CHEK2: variants seen among roughly 807,000 people sequenced by gnomAD.
CHEK2 encodes checkpoint kinase 2, also known as serine/threonine-protein kinase Chk2.
Under a neutral mutation model 69.1 loss-of-function variants are expected in CHEK2, and 71 were observed. The observed-to-expected ratio is 1.03, with a 90% CI of 0.85 to 1.25. The LOEUF (loss-of-function observed/expected upper bound fraction) is 1.25, where lower values mean the gene tolerates loss of function less well. Ranked by LOEUF, CHEK2 falls within the 50% of genes most tolerant of loss-of-function variation. The pLI is 0.00. For synonymous variants in CHEK2, 189 were observed against 226.9 expected (o/e 0.83, Z 1.50); for missense variants, 664 against 649.6 (o/e 1.02, Z -0.24).
At chr22:28,736,055 T>G (rs901371235) in intron 1 of CHEK2, among the ~76,000 whole-genome samples, 8 of 152,134 alleles carry the variant, frequency 5.3e-5, no homozygotes, top group Non-Finnish European at 1.0e-4. Flanking sequence ...ATCTTTGTGT[T>G]AGATAATTTT....
intron 7 of CHEK2, among the ~76,000 whole-genome samples, chr22:28,704,166 A>C: frequency 6.7e-6 from 1 of 149,300 alleles, no homozygotes; most frequent in African/African-American, 2.5e-5. Context: ...ACACACACCT[A>C]TGGCTGATAG....
chr22:28,729,869 G>A (rs2054141387), intron 2 of CHEK2, among the ~76,000 whole-genome samples: 1 of 151,968 alleles, frequency 6.6e-6, no homozygotes, highest in African/African-American at 2.4e-5. Context: ...CCTGCCATAG[G>A]CTCCCAAAGC....
At chr22:28,719,948 C>T (rs958646228) in intron 4 of CHEK2, among the ~76,000 whole-genome samples, 7 of 152,178 alleles carry the variant, frequency 4.6e-5, no homozygotes, top group African/African-American at 1.4e-4. Flanking sequence ...TATCATCTCT[C>T]AGCCATTTAT....
At chr22:28,692,476 T>C (rs1206579542) in intron 13 of CHEK2, among the ~76,000 whole-genome samples, 2 of 151,642 alleles carry the variant, frequency 1.3e-5, no homozygotes, top group East Asian at 3.9e-4. Context: ...TCTTTTTTTG[T>C]TTGTTTGTTT....
intron 8 of CHEK2, 38 bp downstream of exon 8, chr22:28,703,467 G>T: frequency 2.8e-6 from 3 of 1,084,600 alleles, no homozygotes; most frequent in South Asian, 2.7e-5. Flanking sequence ...TAAAGCATTT[G>T]AATGGAAACA....
In CHEK2 at chr22:28,708,365, G is replaced by GTGTGTGTGTGTGTC. The variant is rs1311272491; in HGVS notation, c.846+1640_846+1641insGACACACACACACA. Among the ~76,000 whole-genome samples, 20 of 123,026 alleles carry GTGTGTGTGTGTGTC rather than the reference G, an allele frequency of 1.6e-4. 1 individual carries two copies. The highest frequency in any genetic ancestry group is 5.6e-4 in the Admixed American group (7 of 12,556). The allele number at this position is 123,026 out of a possible 152,430, so 80.7% of individuals were successfully genotyped here. The stretch of plus-strand genomic sequence containing the variant: ...AGAGACAGACTGTCTCTAAAAATAT[G>GTGTGTGTGTGTGTC]TGTGTGTGTGTGTGTGTGTGTGTGT... On this transcript the variant is annotated intron_variant, in intron 7 of 14. Transcript: ENST00000404276.
chr22:28,721,281 G>GTTTTTTTT (rs755378917), intron 4 of CHEK2, among the ~76,000 whole-genome samples: 6 of 109,938 alleles, frequency 5.5e-5, no homozygotes, highest in Admixed American at 1.0e-4. Context: ...GTTTGTTTGG[G>GTTTTTTTT]TTTTTTTTTT....
intron 2 of CHEK2, chr22:28,729,161 T>C (rs1168670466): frequency 5.6e-6 from 1 of 177,704 alleles, no homozygotes; most frequent in Non-Finnish European, 1.2e-5. Flanking sequence ...CCAATATCCC[T>C]TGTGAATATA....
At position 28,725,061 on chromosome 22, in the gene CHEK2, CA is replaced by C. The variant is rs587780183; in HGVS notation, c.507del (p.Phe169LeufsTer2). The C allele has an allele frequency of 2.5e-6, 4 of 1,614,084 alleles. No individual in the cohort carries two copies. Among genetic ancestry groups the C allele is most frequent in the Non-Finnish European group, 3.4e-6 (4 of 1,180,004 alleles). ...YIEDHSGNGT[F>X]VNTELVGKGK... ...CCTTTCCCTACAAGCTCTGTATTTA[CA>C]AAGGTTCCATTGCCACTGTGATCTT... is the stretch of plus-strand genomic sequence containing the variant. On this transcript the variant is annotated frameshift_variant, in exon 4 of 15. Coordinates refer to ENST00000404276, the MANE Select transcript of CHEK2 (RefSeq NM_007194.4). LOFTEE classifies it high-confidence loss of function.
chr22:28,734,794 A>T, intron 1 of CHEK2, 67 bp from the exon 2 acceptor site: 1 of 1,268,618 alleles, frequency 7.9e-7, no homozygotes, highest in Non-Finnish European at 1.1e-6. Flanking sequence ...TAAAAAGTAA[A>T]TGATGGGCCT....
intron 13 of CHEK2, among the ~76,000 whole-genome samples, chr22:28,689,561 G>A (rs1009984484): frequency 7.2e-5 from 11 of 152,048 alleles, no homozygotes; most frequent in East Asian, 1.9e-4. Context: ...GCCTGACTCC[G>A]TGCAGCTCCT....
intron 6 of CHEK2, among the ~76,000 whole-genome samples, chr22:28,711,040 G>GA (rs942039053): frequency 2.0e-4 from 31 of 151,884 alleles, no homozygotes; most frequent in Non-Finnish European, 2.7e-4. Flanking sequence ...TGTCTAGGGG[G>GA]AAAAAAAATT....
At chr22:28,702,728 G>A (rs1035661377) in intron 8 of CHEK2, among the ~76,000 whole-genome samples, 1 of 151,398 alleles carries the variant, frequency 6.6e-6, no homozygotes, top group African/African-American at 2.4e-5. Context: ...TGTATTTTTA[G>A]TAGAGATGGG....
chr22:28,693,916 A>G (rs1005572584), intron 13 of CHEK2, 116 bp downstream of exon 13: 1 of 780,730 alleles, frequency 1.3e-6, no homozygotes, highest in Admixed American at 1.7e-5. Flanking sequence ...CATACATCTA[A>G]AACAATTAGA....
rs1486424975 is a variant in CHEK2, at chr22:28,707,281, C to T, written c.846+2725G>A. 5.3e-5 allele frequency among the ~76,000 whole-genome samples: 8 copies of T among 152,320 alleles called. No individual in the cohort carries two copies. The South Asian group carries it at 1.0e-3, about 20-fold the overall frequency. On this transcript the variant is annotated intron_variant, in intron 7 of 14. Transcript: ENST00000404276. ...CTCTGTCACTCTCCAAGTGTGTTGT[C>T]TGCACTGAAAGCTTTAGGAGTACGT...
intron 7 of CHEK2, among the ~76,000 whole-genome samples, chr22:28,706,454 T>C (rs1378106888): frequency 6.6e-6 from 1 of 152,138 alleles, no homozygotes; most frequent in Non-Finnish European, 1.5e-5. Flanking sequence ...TGTTTTGCTT[T>C]TGTTTTTGAG....
chr22:28,690,104 C>T (rs530684735), intron 13 of CHEK2, among the ~76,000 whole-genome samples: 1 of 152,314 alleles, frequency 6.6e-6, no homozygotes, highest in South Asian at 2.1e-4. Context: ...CAACTCCAGC[C>T]CCTCCTCCCA....
At chr22:28,731,829 C>CT (rs968909883) in intron 2 of CHEK2, among the ~76,000 whole-genome samples, 2 of 152,068 alleles carry the variant, frequency 1.3e-5, no homozygotes, top group African/African-American at 4.8e-5. Flanking sequence ...CACCCAGCCT[C>CT]TTTGTTTTCT....
chr22:28,701,246 A>T (rs2052833712), intron 8 of CHEK2, among the ~76,000 whole-genome samples: 1 of 150,640 alleles, frequency 6.6e-6, no homozygotes, highest in African/African-American at 2.4e-5. Flanking sequence ...CTTTTTTCTT[A>T]TGTTTTTTGA....
Sources: allele counts gnomAD v4.1 joint callset (sites outside exome capture counted in the v4.1 genomes callset), GRCh38; gene constraint gnomAD v4.1.1; transcripts MANE v1.5; gene names NCBI Gene and HGNC (gene_info 2026-07-23, HGNC 2026-07-21).